SEC14L1: variants seen among roughly 807,000 people sequenced by gnomAD.
SEC14L1 encodes the protein SEC14-like protein 1.
In SEC14L1, 48 loss-of-function variants were observed where a neutral mutation model predicts 85.3. That is an observed-to-expected ratio of 0.56 (90% CI 0.45 to 0.72). The LOEUF (loss-of-function observed/expected upper bound fraction) is 0.72. Among genes scored for constraint, SEC14L1 ranks in the 30% least tolerant of loss-of-function variants. The pLI is 0.00. For synonymous variants in SEC14L1, 391 were observed against 355.5 expected, an observed-to-expected ratio of 1.10 and a Z score of -1.12; for missense variants, 682 against 921.4, an observed-to-expected ratio of 0.74 and a Z score of 3.36.
At position 77,151,701 on chromosome 17, in the gene SEC14L1, A is replaced by G. The variant is rs79284932; in HGVS notation, c.63+8042A>G. On this transcript the variant is annotated intron_variant, in intron 3 of 16. Coordinates refer to ENST00000436233, the MANE Select transcript of SEC14L1 (RefSeq NM_001143998.2). ...GCCATTTACCCATCACCCAGTTTCA[A>G]TGTTACCAGCATCTTGCCGGGCCTG... Among the ~76,000 whole-genome samples, 485 of 152,260 alleles carry G rather than the reference A, an allele frequency of 3.2e-3. 18 individuals carry two copies. In the East Asian group the frequency reaches 0.078, roughly 24 times the overall value.
chr17:77,095,579 G>A (rs1971622551), intron 3 of SEC14L1, among the ~76,000 whole-genome samples: 2 of 152,224 alleles, frequency 1.3e-5, no homozygotes, highest in African/African-American at 4.8e-5. Flanking sequence ...TGTAATCCCA[G>A]CACTTTAGGA....
intron 3 of SEC14L1, among the ~76,000 whole-genome samples, chr17:77,172,551 T>C (rs1279103625): frequency 6.6e-6 from 1 of 152,186 alleles, no homozygotes; most frequent in African/African-American, 2.4e-5. Flanking sequence ...TTTCCTCGTC[T>C]TTTCGTACAT....
intron 3 of SEC14L1, among the ~76,000 whole-genome samples, chr17:77,112,701 C>A (rs571039629): frequency 6.6e-6 from 1 of 151,590 alleles, no homozygotes. Context: ...CTGGCTAACA[C>A]GGTGAAACCC....
At chr17:77,189,030 T>A (rs1349970269) in intron 3 of SEC14L1, among the ~76,000 whole-genome samples, 1 of 151,802 alleles carries the variant, frequency 6.6e-6, no homozygotes, top group African/African-American at 2.4e-5. Context: ...GCACATGAAA[T>A]TTACCATCTT....
chr17:77,178,063 C>G (rs1262765391), intron 3 of SEC14L1, among the ~76,000 whole-genome samples: 2 of 148,128 alleles, frequency 1.4e-5, no homozygotes, highest in Non-Finnish European at 3.0e-5. Context: ...CCTCCCCCCC[C>G]CCTTTTTTTT....
At chr17:77,209,289 C>T (rs534608509) in intron 13 of SEC14L1, 53 bp from the exon 14 acceptor site, 48 of 1,602,898 alleles carry the variant, frequency 3.0e-5, no homozygotes, top group African/African-American at 8.0e-5. Context: ...GTCTGGGTTT[C>T]GTGGGGTTGG....
intron 3 of SEC14L1, among the ~76,000 whole-genome samples, chr17:77,173,245 G>A (rs1974598988): frequency 6.6e-6 from 1 of 152,186 alleles, no homozygotes; most frequent in Non-Finnish European, 1.5e-5. Flanking sequence ...GGTGGGGAAA[G>A]GGAAGTTTTG....
intron 3 of SEC14L1, among the ~76,000 whole-genome samples, chr17:77,107,510 A>G (rs899067661): frequency 9.2e-5 from 14 of 152,230 alleles, no homozygotes; most frequent in Non-Finnish European, 1.8e-4. Context: ...ATGCTAGTTA[A>G]TGAAGACATA....
At chr17:77,128,961 A>T (rs1972532727) in intron 3 of SEC14L1, among the ~76,000 whole-genome samples, 1 of 152,212 alleles carries the variant, frequency 6.6e-6, no homozygotes, top group Non-Finnish European at 1.5e-5. Flanking sequence ...AGAGCCGTAC[A>T]AATGAGCATT....
chr17:77,122,710 G>A (rs2069028725), intron 3 of SEC14L1, among the ~76,000 whole-genome samples: 1 of 152,214 alleles, frequency 6.6e-6, no homozygotes, highest in African/African-American at 2.4e-5. Flanking sequence ...CTCACCCTGG[G>A]TTGTGCCATG....
chr17:77,092,951 C>CAAAAA (rs35244244), intron 2 of SEC14L1, among the ~76,000 whole-genome samples: 12 of 84,426 alleles, frequency 1.4e-4, no homozygotes, highest in Non-Finnish European at 2.3e-4. Flanking sequence ...AACTCCGTCT[C>CAAAAA]AAAAAAAAAA....
rs766389964 is a variant in SEC14L1 at position 77,194,699 on chromosome 17, A to T, written c.497A>T (p.Tyr166Phe). Residue 166 changes from tyrosine to phenylalanine, a missense_variant, in exon 7 of 17, where the codon TAC (tyrosine) becomes TTC (phenylalanine). Physicochemically the swap from Tyr to Phe is conservative, Grantham distance 22. Transcript: ENST00000436233. ...IKKGKEIIEYYLRQLEEEGIT... is the reference protein window; with the variant it reads ...IKKGKEIIEYFLRQLEEEGIT... The stretch of plus-strand genomic sequence containing the variant: ...AAGGGAAAGGAAATCATCGAATACT[A>T]CCTTCGCCAATTAGAAGAAGAAGGC... The T allele has an allele frequency of 8.7e-6, 14 of 1,614,070 alleles. No individual in the cohort carries two copies. The East Asian group carries it at 3.1e-4, about 36-fold the overall frequency.
At position 77,213,454 on chromosome 17, in the gene SEC14L1, G is replaced by T. The variant is rs771600699; in HGVS notation, c.2004G>T (p.Val668=). Residue 668 remains valine, a synonymous_variant, in exon 16 of 17, where the codon GTG becomes GTT. Coordinates refer to ENST00000436233, the MANE Select transcript of SEC14L1 (RefSeq NM_001143998.2). The surrounding 1 kb of genome is among the most constrained non-coding windows in gnomAD (Gnocchi z 7.1). ...SLQVSSHKCK[V]MYYTEVIGSE... ...AGGTCTCTTCGCACAAGTGTAAAGT[G>T]ATGTACTACACCGAGGTGATCGGCT... The T allele has an allele frequency of 1.2e-6, 2 of 1,612,172 alleles. No homozygotes were observed. The highest frequency in any genetic ancestry group is 2.2e-5 in the East Asian group (1 of 44,892).
At position 77,215,812 on chromosome 17, in the gene SEC14L1, C is replaced by A. The variant is rs1216871650; in HGVS notation, c.*1789C>A. 1 of 885,888 alleles carries A rather than the reference C, an allele frequency of 1.1e-6. No individual in the cohort carries two copies. The highest frequency in any genetic ancestry group is 1.7e-4 in the East Asian group (1 of 6,052). The allele number at this position is 885,888 out of a possible 1,614,324, so 54.9% of individuals were successfully genotyped here. ...TCGTAGGTAGGGTTCGTAGGTAGGGCTGGTAGGTAGGGTTAGTAGGTAGGG... is the reference window on the plus strand; with the variant it reads ...TCGTAGGTAGGGTTCGTAGGTAGGGATGGTAGGTAGGGTTAGTAGGTAGGG... On this transcript the variant is annotated 3_prime_UTR_variant, in exon 17 of 17. Coordinates refer to ENST00000436233, the MANE Select transcript of SEC14L1 (RefSeq NM_001143998.2).
chr17:77,194,346 A>G (rs1461677472), intron 6 of SEC14L1, among the ~76,000 whole-genome samples: 2 of 152,136 alleles, frequency 1.3e-5, no homozygotes, highest in Non-Finnish European at 2.9e-5. Context: ...CTCGAGCCCA[A>G]GAGTTCGAGA....
chr17:77,157,762 G>A (rs62078331), intron 3 of SEC14L1, among the ~76,000 whole-genome samples: 22,128 of 152,064 alleles, frequency 0.15, 1,977 homozygotes, highest in Middle Eastern at 0.21. Flanking sequence ...TCCTGACCTC[G>A]TGATGCGTCT....
intron 3 of SEC14L1, among the ~76,000 whole-genome samples, chr17:77,120,161 C>T (rs1972261417): frequency 6.6e-6 from 1 of 151,980 alleles, no homozygotes; most frequent in African/African-American, 2.4e-5. Flanking sequence ...CCCTTGAGCT[C>T]GGGAGTTCAA....
Position 77,214,560 on chromosome 17 carries a change from T to C in SEC14L1, c.*537T>C. ...CCTTGAGGTCCTTATCCTCTGAGGATTCAGAGGTTGCCTGCGGAGTACCTT... is the reference window on the plus strand; with the variant it reads ...CCTTGAGGTCCTTATCCTCTGAGGACTCAGAGGTTGCCTGCGGAGTACCTT... On this transcript the variant is annotated 3_prime_UTR_variant, in exon 17 of 17. Coordinates refer to ENST00000436233, the MANE Select transcript of SEC14L1 (RefSeq NM_001143998.2). The C allele has an allele frequency of 1.0e-6, 1 of 989,720 alleles. No homozygotes were observed. The highest frequency in any genetic ancestry group is 1.2e-6 in the Non-Finnish European group (1 of 832,544). 61.3% of individuals were successfully genotyped at this position (989,720 alleles called of 1,614,324 possible).
intron 3 of SEC14L1, among the ~76,000 whole-genome samples, chr17:77,165,747 C>T (rs1974255089): frequency 6.6e-6 from 1 of 151,984 alleles, no homozygotes; most frequent in East Asian, 1.9e-4. Context: ...CTATTTATAC[C>T]TAGTTCCTTT....
Sources: allele counts gnomAD v4.1 joint callset (sites outside exome capture counted in the v4.1 genomes callset), GRCh38; gene constraint gnomAD v4.1.1; non-coding constraint Gnocchi (gnomAD v3.1); transcripts MANE v1.5; gene names NCBI Gene and HGNC (gene_info 2026-07-23, HGNC 2026-07-21).